Variants in EPB41L1 observed in about 807,000 individuals in gnomAD.
EPB41L1 encodes the protein erythrocyte membrane protein band 4.1 like 1.
Under a neutral mutation model 97.8 loss-of-function variants are expected in EPB41L1, and 29 were observed. That is an observed-to-expected ratio of 0.30 (90% confidence interval 0.22 to 0.40). The LOEUF (loss-of-function observed/expected upper bound fraction) is 0.40. Among genes scored for constraint, EPB41L1 ranks in the 10% least tolerant of loss-of-function variants. EPB41L1 has a pLI of 1.00. For synonymous variants in EPB41L1, 383 were observed against 459.2 expected (o/e 0.83, Z 2.12); for missense variants, 812 against 1,162.3 (o/e 0.70, Z 4.38).
chr20:36,161,270 C>A (rs142050866), intron 1 of EPB41L1, among the ~76,000 whole-genome samples: 6 of 152,320 alleles, frequency 3.9e-5, no homozygotes, highest in Non-Finnish European at 7.4e-5. Flanking sequence ...CAGCTGCCCA[C>A]ACCCAGACTG....
At chr20:36,186,026 A>G (rs2061670212) in intron 7 of EPB41L1, among the ~76,000 whole-genome samples, 2 of 152,238 alleles carry the variant, frequency 1.3e-5, no homozygotes, top group African/African-American at 2.4e-5. Context: ...TTTCACCTGT[A>G]TATGCACAAA....
intron 14 of EPB41L1, chr20:36,200,763 G>A (rs1429899079): frequency 1.2e-5 from 5 of 401,642 alleles, no homozygotes; most frequent in Non-Finnish European, 2.5e-5. Context: ...TATGGACTTT[G>A]TGTGTGTGTC....
At chr20:36,130,500 A>G (rs570020109) in intron 2 of EPB41L1, among the ~76,000 whole-genome samples, 3 of 151,842 alleles carry the variant, frequency 2.0e-5, no homozygotes, top group South Asian at 2.1e-4. Flanking sequence ...TACACGATCA[A>G]CTCATCCCTT....
At chr20:36,164,906 G>A (rs1025602823) in intron 1 of EPB41L1, among the ~76,000 whole-genome samples, 11 of 152,036 alleles carry the variant, frequency 7.2e-5, no homozygotes, top group Non-Finnish European at 1.3e-4. Context: ...GGCTGGTCTC[G>A]AACTCCTGAC....
chr20:36,155,408 C>T (rs577188702), intron 1 of EPB41L1, among the ~76,000 whole-genome samples: 1 of 152,238 alleles, frequency 6.6e-6, no homozygotes, highest in African/African-American at 2.4e-5. Context: ...GGATCTTAGC[C>T]CTAGGACTTC....
At chr20:36,111,527 T>G (rs2058401183) in intron 1 of EPB41L1, among the ~76,000 whole-genome samples, 1 of 152,226 alleles carries the variant, frequency 6.6e-6, no homozygotes, top group African/African-American at 2.4e-5. Flanking sequence ...GGCTCATGCC[T>G]GTAATCCTAG....
upstream of EPB41L1, chr20:36,152,796 C>T: frequency 2.8e-6 from 1 of 353,884 alleles, no homozygotes; most frequent in African/African-American, 2.1e-5. Flanking sequence ...CCCCAGGGGC[C>T]TGTGTGAGAC....
chr20:36,125,400 T>A, intron 2 of EPB41L1: 2 of 717,408 alleles, frequency 2.8e-6, no homozygotes, highest in East Asian at 5.4e-5. Flanking sequence ...CATTTCTGAT[T>A]CTGTTTCTTC....
Position 36,093,110 on chromosome 20 carries a change from T to G in EPB41L1, c.-65+1498T>G, listed in dbSNP as rs2147432702. 6.7e-6 allele frequency: 1 copy of G among 148,666 alleles called. No individual in the cohort carries two copies. The highest frequency in any genetic ancestry group is 1.5e-5 in the Non-Finnish European group (1 of 67,560). 9.2% of individuals were successfully genotyped at this position (148,666 alleles called of 1,614,324 possible). A position where few individuals can be genotyped will look rare whatever the true frequency, so the allele number is the denominator to read the frequency against. On this transcript the variant is annotated intron_variant, in intron 1 of 19. Transcript: ENST00000202028. The surrounding 1 kb of genome is among the most constrained non-coding windows in gnomAD (Gnocchi z 5.4). ...CGCGCGCGTGCGTGTGTGCGCCGGG[T>G]GTGCATCTGTGTGTGCGTGTGTGAG...
At chr20:36,196,752 A>T (rs1020841400) in intron 13 of EPB41L1, among the ~76,000 whole-genome samples, 1 of 152,188 alleles carries the variant, frequency 6.6e-6, no homozygotes, top group African/African-American at 2.4e-5. Context: ...CTTGTCCTGA[A>T]TTGAGTTAAC....
chr20:36,161,961 G>T (rs1023598868), intron 1 of EPB41L1, among the ~76,000 whole-genome samples: 1 of 152,096 alleles, frequency 6.6e-6, no homozygotes, highest in African/African-American at 2.4e-5. Flanking sequence ...ACAGTGTCTC[G>T]CTCTGTTGCC....
At chr20:36,098,901 A>C (rs901030225) in intron 1 of EPB41L1, among the ~76,000 whole-genome samples, 3 of 152,146 alleles carry the variant, frequency 2.0e-5, no homozygotes, top group South Asian at 2.1e-4. Context: ...TGGGCAGATC[A>C]TCTGATCAGA....
At chr20:36,197,350 G>T (rs1229243730) in intron 13 of EPB41L1, among the ~76,000 whole-genome samples, 1 of 152,238 alleles carries the variant, frequency 6.6e-6, no homozygotes, top group Non-Finnish European at 1.5e-5. Context: ...AGTGGCCCAA[G>T]TCTCAGCCAG....
Position 36,190,416 on chromosome 20 carries a change from G to A in EPB41L1, c.1124+42G>A. On this transcript the variant is annotated intron_variant, in intron 10 of 21. Transcript: ENST00000338074. The surrounding 1 kb of genome is among the most constrained non-coding windows in gnomAD (Gnocchi z 5.8). ...ATGGGGTAATGGGGATGGGGCAGAG[G>A]CCATGTGTATGGAGGGGAGCAGGGG... 1 of 1,602,466 alleles carries A rather than the reference G, an allele frequency of 6.2e-7. No individual in the cohort carries two copies. Among genetic ancestry groups the A allele is most frequent in the Middle Eastern group, 1.7e-4 (1 of 5,924 alleles).
rs1287614383 is a variant in EPB41L1 at position 36,177,918 on chromosome 20, T to C, written c.343-34T>C. On this transcript the variant is annotated intron_variant, in intron 3 of 21. Coordinates refer to ENST00000338074, the MANE Select transcript of EPB41L1 (RefSeq NM_012156.2). The stretch of plus-strand genomic sequence containing the variant: ...CTCCCAGCCTCGCCCCGGGGTGTGC[T>C]TCAGCCTCATAGCTGCTCTGCTTCC... The C allele has an allele frequency of 1.9e-6, 3 of 1,574,564 alleles. No individual in the cohort carries two copies. The African/African-American group carries it at 4.1e-5, about 21-fold the overall frequency.
intron 15 of EPB41L1, among the ~76,000 whole-genome samples, chr20:36,210,502 T>C (rs1353577525): frequency 1.3e-5 from 2 of 151,918 alleles, no homozygotes; most frequent in African/African-American, 4.8e-5. Context: ...TGCCCCCTCA[T>C]CTCTTCTAGA....
chr20:36,206,068 C>T lies in EPB41L1; in HGVS notation c.1669-3420C>T, dbSNP rs1466569355. On this transcript the variant is annotated intron_variant, in intron 14 of 21. Coordinates refer to ENST00000338074, the MANE Select transcript of EPB41L1 (RefSeq NM_012156.2). The surrounding 1 kb of genome is among the most constrained non-coding windows in gnomAD (Gnocchi z 5.5). ...AAACAGAAGAGCAAACACCCAGCAA[C>T]AAGGAAAAATGATTGCAAGTCCTGA... 1.6e-6 allele frequency: 2 copies of T among 1,289,732 alleles called. No individual in the cohort carries two copies. The highest frequency in any genetic ancestry group is 2.0e-6 in the Non-Finnish European group (2 of 988,886). The allele number at this position is 1,289,732 out of a possible 1,614,324, so 79.9% of individuals were successfully genotyped here. A position where few individuals can be genotyped will look rare whatever the true frequency, so the allele number is the denominator to read the frequency against.
intron 2 of EPB41L1, among the ~76,000 whole-genome samples, chr20:36,124,400 C>G (rs981155048): frequency 6.6e-6 from 1 of 152,228 alleles, no homozygotes; most frequent in East Asian, 1.9e-4. Flanking sequence ...CTGCCTCCCC[C>G]TTCCAGCCAT....
At position 36,173,864 on chromosome 20, in the gene EPB41L1, C is replaced by A; in HGVS notation, c.87C>A (p.Thr29=). The A allele has an allele frequency of 6.2e-7, 1 of 1,613,984 alleles. No individual in the cohort carries two copies. The highest frequency in any genetic ancestry group is 8.5e-7 in the Non-Finnish European group (1 of 1,179,928). Residue 29 remains threonine, a synonymous_variant, in exon 2 of 22, where the codon ACC becomes ACA. Transcript: ENST00000338074. ...PQQPEAAAAV[T]TPVTPAGHGH... ...AGCCCGAGGCTGCTGCCGCTGTGAC[C>A]ACCCCTGTGACCCCTGCAGGCCACG...
Sources: gnomAD v4.1 joint callset for allele counts (sites outside exome capture counted in the v4.1 genomes callset) on GRCh38, gnomAD v4.1.1 for gene constraint, Gnocchi (gnomAD v3.1) non-coding constraint, MANE v1.5 for transcripts, NCBI Gene and HGNC (gene_info 2026-07-23, HGNC 2026-07-21) for gene names.